Variants in DPP10 observed in about 807,000 individuals in gnomAD.
DPP10 encodes the protein inactive dipeptidyl peptidase 10.
In DPP10, 33 loss-of-function variants were observed where a neutral mutation model predicts 120.9. The observed-to-expected ratio is 0.27, with a 90% CI of 0.21 to 0.37. DPP10 has a LOEUF of 0.37. Ranked by LOEUF, DPP10 falls within the 10% of genes least tolerant of loss-of-function variation. The pLI, the probability that DPP10 is intolerant of heterozygous loss-of-function variation, is 1.00. For synonymous variants in DPP10, 337 were observed against 326.1 expected, an observed-to-expected ratio of 1.03 and a Z score of -0.36; for missense variants, 816 against 942.8, an observed-to-expected ratio of 0.87 and a Z score of 1.76.
chr2:115,344,710 A>G (rs565401605), intron 3 of DPP10, among the ~76,000 whole-genome samples: 3 of 152,274 alleles, frequency 2.0e-5, no homozygotes, highest in African/African-American at 7.2e-5. Context: ...TGTGTTGGTG[A>G]AAAGGAAATC....
intron 2 of DPP10, among the ~76,000 whole-genome samples, chr2:115,325,672 A>G (rs1393138761): frequency 6.6e-6 from 1 of 152,180 alleles, no homozygotes; most frequent in African/African-American, 2.4e-5. Context: ...GATGACAATA[A>G]TAAAACAATT....
intron 1 of DPP10, among the ~76,000 whole-genome samples, chr2:114,963,498 T>C (rs1698796376): frequency 6.6e-6 from 1 of 152,190 alleles, no homozygotes; most frequent in Admixed American, 6.5e-5. Context: ...TATTAACACA[T>C]ATATATCAGA....
chr2:115,296,347 T>C (rs2060883776), intron 1 of DPP10, among the ~76,000 whole-genome samples: 3 of 152,248 alleles, frequency 2.0e-5, no homozygotes, highest in African/African-American at 7.2e-5. Flanking sequence ...GTGCCACTTG[T>C]TCTTTTCATG....
chr2:114,699,883 G>A (rs779141286), intron 1 of DPP10, among the ~76,000 whole-genome samples: 4 of 152,018 alleles, frequency 2.6e-5, no homozygotes, highest in Non-Finnish European at 5.9e-5. Flanking sequence ...GTCTATTTTT[G>A]TAATCTATTA....
intron 1 of DPP10, among the ~76,000 whole-genome samples, chr2:115,011,161 GT>G (rs1702235384): frequency 6.6e-6 from 1 of 152,194 alleles, no homozygotes; most frequent in Non-Finnish European, 1.5e-5. Flanking sequence ...AATTTTAAAT[GT>G]TTTAGATTTG....
intron 1 of DPP10, among the ~76,000 whole-genome samples, chr2:115,300,839 T>C (rs952726695): frequency 2.6e-5 from 4 of 152,016 alleles, no homozygotes; most frequent in Non-Finnish European, 5.9e-5. Flanking sequence ...TTCTTTAAGG[T>C]TGGTTTCCAG....
chr2:114,888,683 T>C (rs1215751737), intron 1 of DPP10, among the ~76,000 whole-genome samples: 1 of 152,204 alleles, frequency 6.6e-6, no homozygotes, highest in Admixed American at 6.5e-5. Context: ...CCTTTTTTCA[T>C]ATTAAAGTGT....
rs868835910 is a variant in DPP10 at position 115,560,445 on chromosome 2, T to C, written c.441+34473T>C. On this transcript the variant is annotated intron_variant, in intron 5 of 25. Coordinates refer to ENST00000410059, the MANE Select transcript of DPP10 (RefSeq NM_020868.6). ...ATATATATATATATATATATATATA[T>C]ACGACAAGCTACTGATTTAAGGGCA... Among the ~76,000 whole-genome samples the C allele has an allele frequency of 8.8e-4, 76 of 86,248 alleles. 1 individual carries two copies. The highest frequency in any genetic ancestry group is 7.0e-3 in the South Asian group (16 of 2,298). 56.6% of individuals were successfully genotyped at this position (86,248 alleles called of 152,430 possible).
At chr2:114,751,618 A>T (rs185034260) in intron 1 of DPP10, among the ~76,000 whole-genome samples, 84 of 152,334 alleles carry the variant, frequency 5.5e-4, no homozygotes, top group South Asian at 4.4e-3. Context: ...CAAGTACCTA[A>T]GCACAATGGC....
intron 1 of DPP10, among the ~76,000 whole-genome samples, chr2:114,962,587 C>T (rs1698723580): frequency 6.6e-6 from 1 of 152,196 alleles, no homozygotes; most frequent in Non-Finnish European, 1.5e-5. Context: ...ACCTGCCACA[C>T]ATCATCTTTG....
chr2:115,490,175 G>A (rs922071943), intron 3 of DPP10, among the ~76,000 whole-genome samples: 3 of 152,120 alleles, frequency 2.0e-5, no homozygotes, highest in Non-Finnish European at 4.4e-5. Flanking sequence ...AAATACCTGA[G>A]ACTGGGTAAT....
chr2:114,509,016 AAGAGAG>A (rs374283145), intron 1 of DPP10, among the ~76,000 whole-genome samples: 3 of 150,390 alleles, frequency 2.0e-5, no homozygotes, highest in Non-Finnish European at 3.0e-5. Context: ...GAGAGTGAGA[AAGAGAG>A]AGAGAGAGAG....
chr2:115,520,491 A>C (rs1457491815), intron 4 of DPP10, among the ~76,000 whole-genome samples: 2 of 138,968 alleles, frequency 1.4e-5, no homozygotes, highest in African/African-American at 5.3e-5. Flanking sequence ...AGAATTATTC[A>C]GCCAAAGCTC....
intron 1 of DPP10, among the ~76,000 whole-genome samples, chr2:114,665,545 G>C (rs1237434408): frequency 6.7e-6 from 1 of 149,770 alleles, no homozygotes; most frequent in African/African-American, 2.4e-5. Context: ...CGTCAAAGGA[G>C]GGAAAGGAAG....
intron 1 of DPP10, among the ~76,000 whole-genome samples, chr2:114,637,449 G>A (rs1418052101): frequency 2.0e-5 from 3 of 151,962 alleles, no homozygotes; most frequent in South Asian, 4.1e-4. Flanking sequence ...TCACACTTAA[G>A]ATTTTATTTC....
At chr2:115,051,992 T>A (rs1018731374) in intron 1 of DPP10, among the ~76,000 whole-genome samples, 1 of 152,136 alleles carries the variant, frequency 6.6e-6, no homozygotes, top group African/African-American at 2.4e-5. Context: ...GAAAATAAAA[T>A]TAAATAAAGA....
intron 7 of DPP10, among the ~76,000 whole-genome samples, chr2:115,717,351 C>T (rs1455052260): frequency 1.3e-5 from 2 of 151,930 alleles, no homozygotes; most frequent in East Asian, 3.9e-4. Flanking sequence ...GCACGTTGTG[C>T]ACATGTACCC....
intron 5 of DPP10, among the ~76,000 whole-genome samples, chr2:115,628,822 T>C (rs1380362912): frequency 5.9e-5 from 9 of 151,872 alleles, no homozygotes; most frequent in Admixed American, 2.0e-4. Context: ...TTTTTTTTAT[T>C]ATTATTATTA....
chr2:114,604,769 A>G (rs1692653409), intron 1 of DPP10, among the ~76,000 whole-genome samples: 2 of 152,024 alleles, frequency 1.3e-5, no homozygotes, highest in Admixed American at 6.6e-5. Context: ...AAGACACTGA[A>G]TTTATCTTAT....
Sources: allele counts gnomAD v4.1 joint callset (sites outside exome capture counted in the v4.1 genomes callset), GRCh38; gene constraint gnomAD v4.1.1; transcripts MANE v1.5; gene names NCBI Gene and HGNC (gene_info 2026-07-23, HGNC 2026-07-21).